Variants in PCSK5 observed in about 807,000 individuals in gnomAD.
PCSK5 encodes the protein proprotein convertase subtilisin/kexin type 5, also known as prohormone convertase 5.
A neutral mutation model predicts 233.2 loss-of-function variants in PCSK5; 129 were observed. The ratio of observed to expected loss-of-function variants is 0.55; its 90% CI spans 0.48 to 0.64. The LOEUF (loss-of-function observed/expected upper bound fraction) is 0.64. Ranked by LOEUF, PCSK5 falls within the 30% of genes least tolerant of loss-of-function variation. PCSK5 has a pLI of 0.00. For synonymous variants in PCSK5, 825 were observed against 879.2 expected (o/e 0.94, Z 1.09); for missense variants, 2,076 against 2,430.1 (o/e 0.85, Z 3.06).
At chr9:76,194,729 A>C (rs1468467712) in intron 20 of PCSK5, 12 of 462,864 alleles carry the variant, frequency 2.6e-5, no homozygotes, top group Non-Finnish European at 4.9e-5. Flanking sequence ...AATCTTATAG[A>C]TCTTTTGACA....
rs1829605444 is a variant in PCSK5, at chr9:76,050,919, C to A, written c.633-17036C>A. 2.0e-5 allele frequency among the ~76,000 whole-genome samples: 3 copies of A among 152,154 alleles called. No individual in the cohort carries two copies. The South Asian group carries it at 6.2e-4, about 32-fold the overall frequency. ...CTGTCTCACTGCCTCCCAAGTGACA[C>A]CACAGTTGTAAAGAATGAGCCATAT... On this transcript the variant is annotated intron_variant, in intron 5 of 37. Transcript: ENST00000674117.
chr9:76,314,999 T>C (rs575318603), intron 30 of PCSK5, among the ~76,000 whole-genome samples: 38 of 149,328 alleles, frequency 2.5e-4, no homozygotes, highest in African/African-American at 9.4e-4. Context: ...TCACTCTTGT[T>C]GCCCAGGCAA....
intron 5 of PCSK5, 57 bp from the exon 6 acceptor site, chr9:76,067,898 T>G: frequency 1.4e-6 from 2 of 1,381,622 alleles, no homozygotes; most frequent in Non-Finnish European, 2.1e-6. Context: ...CAGTGACGCG[T>G]TGGCTTTGTG....
intron 7 of PCSK5, among the ~76,000 whole-genome samples, chr9:76,079,281 T>C (rs912326042): frequency 6.6e-6 from 1 of 151,432 alleles, no homozygotes; most frequent in African/African-American, 2.4e-5. Context: ...TTTTTGTATT[T>C]TTAGTAGAGA....
intron 6 of PCSK5, among the ~76,000 whole-genome samples, chr9:76,069,144 G>A (rs1830391246): frequency 1.3e-5 from 2 of 152,098 alleles, no homozygotes; most frequent in Non-Finnish European, 2.9e-5. Context: ...TTAGCGGGGA[G>A]CATCTGCTAT....
At chr9:76,039,855 A>G (rs1829017530) in intron 5 of PCSK5, among the ~76,000 whole-genome samples, 1 of 152,250 alleles carries the variant, frequency 6.6e-6, no homozygotes, top group Non-Finnish European at 1.5e-5. Context: ...AAGACTAAAT[A>G]GAGTTCAGCA....
intron 3 of PCSK5, among the ~76,000 whole-genome samples, chr9:75,994,423 T>C (rs1563961213): frequency 7.3e-4 from 19 of 25,990 alleles, no homozygotes; most frequent in East Asian, 3.1e-3. Flanking sequence ...TTTTTTTTTT[T>C]TTTTTTTTTT....
At chr9:76,245,772 G>A (rs1413492836) in intron 24 of PCSK5, among the ~76,000 whole-genome samples, 3 of 152,194 alleles carry the variant, frequency 2.0e-5, no homozygotes, top group Non-Finnish European at 4.4e-5. Flanking sequence ...AGAAGTGGGA[G>A]AGTGGGTGTC....
intron 12 of PCSK5, among the ~76,000 whole-genome samples, chr9:76,163,474 C>T (rs973735592): frequency 2.0e-5 from 3 of 152,248 alleles, no homozygotes; most frequent in Non-Finnish European, 2.9e-5. Context: ...GGCGTGCATG[C>T]TCCCCTGGCA....
chr9:76,201,857 G>A (rs1412437895), intron 20 of PCSK5, among the ~76,000 whole-genome samples: 1 of 152,138 alleles, frequency 6.6e-6, no homozygotes, highest in Non-Finnish European at 1.5e-5. Flanking sequence ...AAGTTGAAAT[G>A]AAGAAGAAAT....
At chr9:75,906,566 CTG>C (rs1481374987) in intron 1 of PCSK5, among the ~76,000 whole-genome samples, 2 of 152,186 alleles carry the variant, frequency 1.3e-5, no homozygotes, top group Non-Finnish European at 2.9e-5. Flanking sequence ...ACATGGTAGT[CTG>C]GAGTCAGATG....
In PCSK5 at chr9:75,942,882, CTTCTTTT is replaced by C. The variant is rs1233458534; in HGVS notation, c.297+10402_297+10408del. On this transcript the variant is annotated intron_variant, in intron 2 of 37. Transcript: ENST00000674117. ...TTGTTGTGGTATTTCTTTTCTTCTTCTTCTTTTTTTTTTTTTTTTTGAGATGGAGTCT... is the reference window on the plus strand; with the variant it reads ...TTGTTGTGGTATTTCTTTTCTTCTTCTTTTTTTTTTTTTGAGATGGAGTCT... Among the ~76,000 whole-genome samples, 5 of 112,934 alleles carry C rather than the reference CTTCTTTT, an allele frequency of 4.4e-5. 1 individual carries two copies. In the South Asian group the frequency reaches 8.7e-4, roughly 20 times the overall value. 74.1% of individuals were successfully genotyped at this position (112,934 alleles called of 152,430 possible).
chr9:76,146,390 C>G (rs1823441383), intron 10 of PCSK5, among the ~76,000 whole-genome samples: 1 of 152,036 alleles, frequency 6.6e-6, no homozygotes, highest in African/African-American at 2.4e-5. Flanking sequence ...TATCTTCACA[C>G]TCACAGAAAA....
intron 5 of PCSK5, among the ~76,000 whole-genome samples, chr9:76,048,365 T>C (rs1282969361): frequency 1.3e-5 from 2 of 152,180 alleles, no homozygotes; most frequent in Non-Finnish European, 2.9e-5. Flanking sequence ...CTAATAATTA[T>C]GGTATCCTGT....
At chr9:76,082,469 A>C (rs1174825558) in intron 7 of PCSK5, among the ~76,000 whole-genome samples, 1 of 152,162 alleles carries the variant, frequency 6.6e-6, no homozygotes, top group Non-Finnish European at 1.5e-5. Context: ...TGCATTGAAG[A>C]GGCATTCACT....
At chr9:76,254,590 G>A (rs577983782) in intron 24 of PCSK5, among the ~76,000 whole-genome samples, 4 of 152,142 alleles carry the variant, frequency 2.6e-5, no homozygotes, top group African/African-American at 9.7e-5. Flanking sequence ...TCAATAGGTA[G>A]GCTGTCAGCT....
chr9:75,968,214 C>T (rs997531018), intron 2 of PCSK5, among the ~76,000 whole-genome samples: 4 of 152,184 alleles, frequency 2.6e-5, no homozygotes, highest in African/African-American at 4.8e-5. Context: ...TGTGTTGAAT[C>T]GAGTTGATTT....
chr9:76,269,590 G>T (rs1029057034), intron 24 of PCSK5, among the ~76,000 whole-genome samples: 2 of 152,206 alleles, frequency 1.3e-5, no homozygotes, highest in African/African-American at 4.8e-5. Context: ...AAGTGGAAGT[G>T]CTTCTGTATA....
intron 24 of PCSK5, among the ~76,000 whole-genome samples, chr9:76,268,043 C>T (rs976499724): frequency 2.6e-5 from 4 of 152,106 alleles, no homozygotes; most frequent in African/African-American, 9.7e-5. Context: ...GGTGGATAGG[C>T]TGACTTGTGC....
Sources: allele counts gnomAD v4.1 joint callset (sites outside exome capture counted in the v4.1 genomes callset), GRCh38; gene constraint gnomAD v4.1.1; transcripts MANE v1.5; gene names NCBI Gene and HGNC (gene_info 2026-07-23, HGNC 2026-07-21).